FLT3: variants seen among roughly 807,000 people sequenced by gnomAD.
FLT3 encodes the protein receptor-type tyrosine-protein kinase FLT3.
Under a neutral mutation model 126.6 loss-of-function variants are expected in FLT3, and 46 were observed. That is an observed-to-expected ratio of 0.36 (90% CI 0.29 to 0.46). FLT3 has a LOEUF of 0.46. Among genes scored for constraint, FLT3 ranks in the 20% least tolerant of loss-of-function variants. FLT3 has a pLI of 1.00. For synonymous variants in FLT3, 404 were observed against 434.4 expected (o/e 0.93, Z 0.87); for missense variants, 1,069 against 1,190.3 (o/e 0.90, Z 1.50).
At position 28,035,442 on chromosome 13, in the gene FLT3, AC is replaced by A; in HGVS notation, c.1597+52del. ...AAGTAAAAGTCAGCGATGGGGACTA[AC>A]TTCTAGTGGGGAATTCCTGATGGTG... On this transcript the variant is annotated intron_variant, in intron 12 of 23. Transcript: ENST00000241453. The A allele has an allele frequency of 2.6e-6, 4 of 1,545,890 alleles. No homozygotes were observed. The South Asian group carries it at 4.7e-5, about 18-fold the overall frequency.
intron 21 of FLT3, 134 bp downstream of exon 21, chr13:28,015,456 A>T: frequency 1.7e-6 from 1 of 572,892 alleles, no homozygotes; most frequent in South Asian, 1.8e-5. Context: ...AAAGGACACC[A>T]GCAAATAAAC....
chr13:28,012,389 C>T (rs1267691138), intron 23 of FLT3, among the ~76,000 whole-genome samples: 1 of 152,152 alleles, frequency 6.6e-6, no homozygotes, highest in East Asian at 1.9e-4. Context: ...GTCCTGAAGC[C>T]TCCATCCTGG....
Position 28,062,058 on chromosome 13 carries a change from G to T in FLT3, c.177C>A (p.Ser59=). The T allele has an allele frequency of 1.2e-6, 2 of 1,611,836 alleles. No homozygotes were observed. The highest frequency in any genetic ancestry group is 1.7e-6 in the Non-Finnish European group (2 of 1,179,746). The change falls in exon 3 of 24, where the codon TCC becomes TCA. Residue 59 remains serine (S), a synonymous_variant. Transcript: ENST00000241453. ...KSSSYPMVSE[S]PEDLGCALRP... is the part of the protein sequence containing the mutation. ...TCAACGCACACCCGAGGTCTTCCGGGGATTCTGATACCTACGTTGCAGATA... is the reference window on the plus strand; with the variant it reads ...TCAACGCACACCCGAGGTCTTCCGGTGATTCTGATACCTACGTTGCAGATA...
In FLT3 at chr13:28,028,305, C is replaced by T; in HGVS notation, c.1943-17G>A. Reference sequence around the variant, plus strand: ...CTGCTTTTTCTGTCAAAGAAAGGAGCATTAAAAATGTAAAACTCAAGTAAA... The same window carrying T: ...CTGCTTTTTCTGTCAAAGAAAGGAGTATTAAAAATGTAAAACTCAAGTAAA... On this transcript the variant is annotated splice_polypyrimidine_tract_variant and intron_variant, in intron 15 of 23. Transcript: ENST00000241453. 7.4e-7 allele frequency: 1 copy of T among 1,346,316 alleles called. No homozygotes were observed. The highest frequency in any genetic ancestry group is 1.1e-6 in the Non-Finnish European group (1 of 937,488). The allele number at this position is 1,346,316 out of a possible 1,614,324, so 83.4% of individuals were successfully genotyped here.
In FLT3 at chr13:28,038,521, C is replaced by G. The variant is rs528871011; in HGVS notation, c.1206-1233G>C. Reference sequence around the variant, plus strand: ...AGGCTGGAGTGCAGTGGCGCTATCTCGGCTCACTGCAAGCTCTGCCTCCCG... The same window carrying G: ...AGGCTGGAGTGCAGTGGCGCTATCTGGGCTCACTGCAAGCTCTGCCTCCCG... On this transcript the variant is annotated intron_variant, in intron 9 of 23. Coordinates refer to ENST00000241453, the MANE Select transcript of FLT3 (RefSeq NM_004119.3). Among the ~76,000 whole-genome samples, 5 of 150,646 alleles carry G rather than the reference C, an allele frequency of 3.3e-5. 1 individual carries two copies. In the East Asian group the frequency reaches 9.8e-4, roughly 30 times the overall value.
chr13:28,091,456 C>G (rs1413358777), intron 1 of FLT3, among the ~76,000 whole-genome samples: 2 of 150,882 alleles, frequency 1.3e-5, no homozygotes, highest in African/African-American at 2.4e-5. Flanking sequence ...CTCCTGACCT[C>G]GTGATCCGCC....
intron 15 of FLT3, among the ~76,000 whole-genome samples, chr13:28,032,966 G>C (rs184702823): frequency 6.6e-6 from 1 of 152,120 alleles, no homozygotes; most frequent in Non-Finnish European, 1.5e-5. Context: ...CCAGCAATGG[G>C]GCTGGACGCC....
chr13:28,031,412 T>C (rs1024664147), intron 15 of FLT3, among the ~76,000 whole-genome samples: 1 of 151,328 alleles, frequency 6.6e-6, no homozygotes, highest in East Asian at 2.0e-4. Context: ...GTGCTGAGGG[T>C]TGTGAAAGAG....
chr13:28,004,691 T>C (rs1453944179), intron 23 of FLT3, among the ~76,000 whole-genome samples: 1 of 152,226 alleles, frequency 6.6e-6, no homozygotes, highest in Non-Finnish European at 1.5e-5. Flanking sequence ...ACTTTTATTA[T>C]GCATAGGTCT....
In FLT3 at chr13:28,061,968, G is replaced by A. The variant is rs543676002; in HGVS notation, c.267C>T (p.Ile89=). ...AAVEVDVSAS[I]TLQVLVDAPG... Reference sequence around the variant, plus strand: ...GGGCGTCGACCAGCACTTGCAGTGTGATGGAAGCAGATACATCCACTTCCA... The same window carrying A: ...GGGCGTCGACCAGCACTTGCAGTGTAATGGAAGCAGATACATCCACTTCCA... The change falls in exon 3 of 24, where the codon ATC becomes ATT. Residue 89 remains isoleucine, a synonymous_variant. Transcript: ENST00000241453. 6.2e-7 allele frequency: 1 copy of A among 1,613,570 alleles called. No individual in the cohort carries two copies. Among genetic ancestry groups the A allele is most frequent in the South Asian group, 1.1e-5 (1 of 91,054 alleles).
At chr13:28,019,219 G>A (rs1480070472) in intron 19 of FLT3, among the ~76,000 whole-genome samples, 4 of 152,032 alleles carry the variant, frequency 2.6e-5, no homozygotes, top group South Asian at 2.1e-4. Context: ...CACCCACCTC[G>A]GCCTCCCAAA....
chr13:28,082,446 A>T (rs1878387943), intron 1 of FLT3, among the ~76,000 whole-genome samples: 1 of 152,046 alleles, frequency 6.6e-6, no homozygotes, highest in African/African-American at 2.4e-5. Flanking sequence ...TACAGGCATG[A>T]GCCACTGTGC....
intron 9 of FLT3, among the ~76,000 whole-genome samples, chr13:28,042,537 C>G (rs1227079333): frequency 1.3e-5 from 2 of 151,978 alleles, no homozygotes; most frequent in African/African-American, 4.8e-5. Flanking sequence ...GTTGGCTTTG[C>G]CTTCTGTGAT....
At chr13:28,064,722 C>T (rs1051836551) in intron 2 of FLT3, among the ~76,000 whole-genome samples, 2 of 152,106 alleles carry the variant, frequency 1.3e-5, no homozygotes, top group African/African-American at 2.4e-5. Context: ...CACATTTTGT[C>T]GGTGAGGCCA....
At chr13:28,090,187 T>C in intron 1 of FLT3, among the ~76,000 whole-genome samples, 1 of 151,498 alleles carries the variant, frequency 6.6e-6, no homozygotes, top group Admixed American at 6.6e-5. Context: ...ATTACAGGCG[T>C]GCATCACCAT....
chr13:28,037,967 A>G (rs979327011), intron 9 of FLT3, among the ~76,000 whole-genome samples: 22 of 152,102 alleles, frequency 1.4e-4, no homozygotes, highest in Non-Finnish European at 8.8e-5. Context: ...CCTACCCCCA[A>G]TCTATGGAAA....
intron 9 of FLT3, among the ~76,000 whole-genome samples, chr13:28,040,598 C>T (rs538357587): frequency 3.2e-4 from 48 of 152,192 alleles, no homozygotes; most frequent in African/African-American, 1.2e-3. Flanking sequence ...GTTTGTGTGA[C>T]ACCAATGTTC....
Position 28,100,326 on chromosome 13 carries a change from G to T in FLT3, c.43+142C>A. On this transcript the variant is annotated intron_variant, in intron 1 of 23. Coordinates refer to ENST00000241453, the MANE Select transcript of FLT3 (RefSeq NM_004119.3). This position sits in a 1 kb window ranked among gnomAD's most constrained non-coding sequence, Gnocchi z 4.8. ...CGAGTCCGGAGGGCGCGAAAGAGGG[G>T]AGGGGCGCGGGAGGCAATGGAAGGA... 1 of 494,632 alleles carries T rather than the reference G, an allele frequency of 2.0e-6. No individual in the cohort carries two copies. The highest frequency in any genetic ancestry group is 3.1e-6 in the Non-Finnish European group (1 of 325,276). 30.6% of individuals were successfully genotyped at this position (494,632 alleles called of 1,614,324 possible). A position where few individuals can be genotyped will look rare whatever the true frequency, so the allele number is the denominator to read the frequency against.
intron 20 of FLT3, among the ~76,000 whole-genome samples, chr13:28,017,650 G>GT (rs796846844): frequency 1.9e-4 from 27 of 144,654 alleles, no homozygotes; most frequent in African/African-American, 5.6e-4. Context: ...AATTCACACT[G>GT]TTTTTTTTGT....
Sources: gnomAD v4.1 joint callset for allele counts (sites outside exome capture counted in the v4.1 genomes callset) on GRCh38, gnomAD v4.1.1 for gene constraint, Gnocchi (gnomAD v3.1) non-coding constraint, MANE v1.5 for transcripts, NCBI Gene and HGNC (gene_info 2026-07-23, HGNC 2026-07-21) for gene names.